The following CLTCL1 variants were observed in gnomAD, a reference collection of about 807,000 sequenced individuals.
CLTCL1 encodes clathrin heavy chain 2.
Under a neutral mutation model 190.0 loss-of-function variants are expected in CLTCL1, and 159 were observed. The ratio of observed to expected loss-of-function variants is 0.84; its 90% CI spans 0.74 to 0.95. CLTCL1 has a LOEUF of 0.95. CLTCL1 is among the 40% of genes least tolerant of loss of function. The pLI, the probability that CLTCL1 is intolerant of heterozygous loss-of-function variation, is 0.00. For synonymous variants in CLTCL1, 752 were observed against 769.6 expected (o/e 0.98, Z 0.38); for missense variants, 1,878 against 2,033.4 (o/e 0.92, Z 1.47).
chr22:19,268,223 G>A (rs2087185689), intron 2 of CLTCL1, among the ~76,000 whole-genome samples: 1 of 152,116 alleles, frequency 6.6e-6, no homozygotes, highest in South Asian at 2.1e-4. Flanking sequence ...GCAGCAACAG[G>A]GGCCATCTTG....
At chr22:19,287,357 CCA>C (rs2087942086) in intron 1 of CLTCL1, among the ~76,000 whole-genome samples, 1 of 152,080 alleles carries the variant, frequency 6.6e-6, no homozygotes, top group African/African-American at 2.4e-5. Context: ...AGCGTCATTT[CCA>C]CAGATACCAG....
chr22:19,216,137 C>G lies in CLTCL1; in HGVS notation c.3039G>C (p.Leu1013=). 1 of 1,613,828 alleles carries G rather than the reference C, an allele frequency of 6.2e-7. No individual in the cohort carries two copies. The highest frequency in any genetic ancestry group is 1.3e-5 in the African/African-American group (1 of 75,030). The change falls in exon 19 of 33, where the codon CTG becomes CTC. Residue 1013 remains leucine, a synonymous_variant. Coordinates refer to ENST00000427926, the MANE Select transcript of CLTCL1 (RefSeq NM_007098.4). ...ELIELLEKIV[L]DNSVFSEHRN... ...TGTGCTCGCTGAAGACAGAGTTATC[C>G]AGAACTATCTTCTCCAGCAGTTCAA...
intron 2 of CLTCL1, among the ~76,000 whole-genome samples, chr22:19,260,928 C>G (rs1293953142): frequency 1.4e-5 from 2 of 146,376 alleles, no homozygotes; most frequent in Admixed American, 1.4e-4. Context: ...ATCTACTGAT[C>G]AGAAAAAAAA....
intron 2 of CLTCL1, among the ~76,000 whole-genome samples, chr22:19,270,176 T>C (rs201141112): frequency 3.5e-4 from 54 of 152,250 alleles, no homozygotes; most frequent in East Asian, 2.7e-3. Flanking sequence ...ATAACATGGA[T>C]GGACCTCAAA....
chr22:19,235,647 G>A, intron 6 of CLTCL1, 49 bp downstream of exon 6: 1 of 1,559,398 alleles, frequency 6.4e-7, no homozygotes, highest in Non-Finnish European at 8.7e-7. Flanking sequence ...TTAAACGCCA[G>A]TCCCTAATGA....
intron 2 of CLTCL1, among the ~76,000 whole-genome samples, chr22:19,271,620 T>C (rs1555980759): frequency 1.3e-5 from 2 of 152,188 alleles, no homozygotes; most frequent in African/African-American, 4.8e-5. Flanking sequence ...TCAACCTCTT[T>C]TCTTCATAAA....
chr22:19,276,873 C>T (rs138970068), intron 1 of CLTCL1, among the ~76,000 whole-genome samples: 1,963 of 152,152 alleles, frequency 0.013, 9 homozygotes, highest in Non-Finnish European at 0.019. Flanking sequence ...GGGGTTTCAC[C>T]GTGTTAGCCA....
chr22:19,241,941 C>CA (rs1363484401), intron 4 of CLTCL1, among the ~76,000 whole-genome samples: 49 of 139,074 alleles, frequency 3.5e-4, no homozygotes, highest in East Asian at 8.2e-4. Context: ...CCTCATCTAC[C>CA]TTTTTTTTTT....
chr22:19,256,783 A>C (rs2086776117), intron 2 of CLTCL1, among the ~76,000 whole-genome samples: 1 of 151,982 alleles, frequency 6.6e-6, no homozygotes, highest in Non-Finnish European at 1.5e-5. Context: ...AACAGGTGTG[A>C]GCCACCACCC....
chr22:19,254,010 G>GT lies in CLTCL1; in HGVS notation c.467dup (p.Tyr156Ter). Reference protein sequence around the residue: ...TSLVGCQVIHYRTDEYQKWLL... With the variant: ...TSLVGCQVIH The stretch of plus-strand genomic sequence containing the variant: ...GCCACTTCTGGTACTCATCAGTCCG[G>GT]TAGTGAATCACCTGGCAGCCCACCA... The change falls in exon 3 of 33, where the codon TAC becomes TAAC. Residue 156 changes from tyrosine (Y) to a stop codon, truncating the protein, a stop_gained and frameshift_variant. Coordinates refer to ENST00000427926, the MANE Select transcript of CLTCL1 (RefSeq NM_007098.4). LOFTEE classifies it high-confidence loss of function. 6.2e-7 allele frequency: 1 copy of GT among 1,613,074 alleles called. No individual in the cohort carries two copies. Among genetic ancestry groups the GT allele is most frequent in the East Asian group, 2.2e-5 (1 of 44,864 alleles).
intron 10 of CLTCL1, among the ~76,000 whole-genome samples, chr22:19,230,671 G>A (rs2085892833): frequency 6.6e-6 from 1 of 152,148 alleles, no homozygotes; most frequent in Non-Finnish European, 1.5e-5. Flanking sequence ...ATGAAAGGGA[G>A]TAACTTTTAT....
chr22:19,250,948 G>C (rs1254071633), intron 3 of CLTCL1, among the ~76,000 whole-genome samples: 4 of 152,066 alleles, frequency 2.6e-5, no homozygotes, highest in African/African-American at 9.7e-5. Context: ...GGTTGTTTTG[G>C]CTATTCTGGG....
At chr22:19,186,915 T>A (rs2084334273) in intron 29 of CLTCL1, among the ~76,000 whole-genome samples, 1 of 150,030 alleles carries the variant, frequency 6.7e-6, no homozygotes, top group African/African-American at 2.5e-5. Context: ...AATGTGATTT[T>A]AATTTAGGTT....
At chr22:19,278,002 C>A (rs529776678) in intron 1 of CLTCL1, among the ~76,000 whole-genome samples, 1 of 152,236 alleles carries the variant, frequency 6.6e-6, no homozygotes, top group Non-Finnish European at 1.5e-5. Context: ...CAAGGAAACA[C>A]GTTTCTCATT....
intron 5 of CLTCL1, 41 bp downstream of exon 5, chr22:19,239,234 T>G: frequency 1.4e-6 from 2 of 1,479,756 alleles, no homozygotes; most frequent in Non-Finnish European, 1.9e-6. Context: ...CTAGAGTAGA[T>G]TTTAGGACAT....
chr22:19,180,708 T>TG (rs782114030), intron 31 of CLTCL1, 23 bp downstream of exon 31: 15 of 1,612,340 alleles, frequency 9.3e-6, no homozygotes, highest in African/African-American at 1.3e-5. Context: ...CCCAGGGGGT[T>TG]GGGGGCTACA....
chr22:19,233,627 TA>T lies in CLTCL1; in HGVS notation c.1168-6del. 6.2e-7 allele frequency: 1 copy of T among 1,611,788 alleles called. No homozygotes were observed. Among genetic ancestry groups the T allele is most frequent in the Non-Finnish European group, 8.5e-7 (1 of 1,179,192 alleles). ...CTCTCTGGTACGCAGGATTCCCTAATAATAAATGGAAAAATAGGTCATTGTG... is the reference window on the plus strand; with the variant it reads ...CTCTCTGGTACGCAGGATTCCCTAATATAAATGGAAAAATAGGTCATTGTG... On this transcript the variant is annotated splice_polypyrimidine_tract_variant and splice_region_variant and intron_variant, in intron 7 of 32. Transcript: ENST00000427926.
chr22:19,216,004 T>C, intron 19 of CLTCL1, 107 bp downstream of exon 19: 3 of 1,074,814 alleles, frequency 2.8e-6, no homozygotes, highest in Admixed American at 4.9e-5. Context: ...GAGCAGCCAA[T>C]GGGCAGGCTG....
intron 26 of CLTCL1, among the ~76,000 whole-genome samples, chr22:19,194,793 T>C (rs2084643321): frequency 6.6e-6 from 1 of 152,256 alleles, no homozygotes; most frequent in African/African-American, 2.4e-5. Context: ...GCCCTATGGC[T>C]AAGTGGATTC....
Sources: allele counts gnomAD v4.1 joint callset (sites outside exome capture counted in the v4.1 genomes callset), GRCh38; gene constraint gnomAD v4.1.1; transcripts MANE v1.5; gene names NCBI Gene and HGNC (gene_info 2026-07-23, HGNC 2026-07-21).